SKI: variants seen among roughly 807,000 people sequenced by gnomAD.
The protein encoded by SKI is ski oncogene.
A neutral mutation model predicts 59.3 loss-of-function variants in SKI; 23 were observed. The observed-to-expected ratio is 0.39, with a 90% confidence interval of 0.28 to 0.55. The LOEUF is 0.55. SKI is among the 20% of genes least tolerant of loss of function. The pLI, the probability that SKI is intolerant of heterozygous loss-of-function variation, is 0.67. For synonymous variants in SKI, 673 were observed against 488.6 expected (o/e 1.38, Z -4.98); for missense variants, 1,017 against 1,038.9 (o/e 0.98, Z 0.29).
intron 1 of SKI, among the ~76,000 whole-genome samples, chr1:2,292,725 C>T (rs569671857): frequency 2.6e-5 from 4 of 152,316 alleles, no homozygotes; most frequent in Admixed American, 6.5e-5. Flanking sequence ...GTGTCCTCTG[C>T]CTGTGCCCCT....
At chr1:2,264,906 G>A (rs1476490218) in intron 1 of SKI, among the ~76,000 whole-genome samples, 3 of 151,786 alleles carry the variant, frequency 2.0e-5, no homozygotes, top group African/African-American at 7.3e-5. Context: ...CTGCCTCCGG[G>A]TTCAAGTGAT....
intron 1 of SKI, among the ~76,000 whole-genome samples, chr1:2,240,341 G>A (rs1056901267): frequency 6.6e-6 from 1 of 152,238 alleles, no homozygotes; most frequent in African/African-American, 2.4e-5. Flanking sequence ...GAACGTGGGA[G>A]GGGCAGGCGC....
At chr1:2,304,653 C>A in intron 5 of SKI, 68 bp downstream of exon 5, 1 of 1,485,206 alleles carries the variant, frequency 6.7e-7, no homozygotes, top group Non-Finnish European at 9.0e-7. Context: ...ACCAGGTGAA[C>A]GGGCACAGGT....
intron 6 of SKI, 133 bp from the exon 7 acceptor site, chr1:2,306,444 C>T: frequency 3.8e-6 from 4 of 1,046,032 alleles, no homozygotes; most frequent in Non-Finnish European, 4.1e-6. Flanking sequence ...TGTGTCCTAG[C>T]AGGTGGAGGA....
chr1:2,243,340 G>A (rs573091069), intron 1 of SKI, among the ~76,000 whole-genome samples: 3 of 152,344 alleles, frequency 2.0e-5, no homozygotes, highest in South Asian at 2.1e-4. Context: ...CTGCCCTCTC[G>A]TGCTCCTCGG....
chr1:2,299,963 G>T (rs1156877344), intron 1 of SKI, among the ~76,000 whole-genome samples: 2 of 152,126 alleles, frequency 1.3e-5, no homozygotes, highest in Non-Finnish European at 2.9e-5. Context: ...TCCACTGCTG[G>T]CTCACCTGTT....
At chr1:2,255,203 A>G (rs1479895943) in intron 1 of SKI, among the ~76,000 whole-genome samples, 3 of 152,082 alleles carry the variant, frequency 2.0e-5, no homozygotes, top group Admixed American at 6.5e-5. Context: ...TTCTTGCTGC[A>G]TAGTCTTCTG....
At chr1:2,252,671 A>C (rs896242711) in intron 1 of SKI, among the ~76,000 whole-genome samples, 1 of 152,018 alleles carries the variant, frequency 6.6e-6, no homozygotes, top group African/African-American at 2.4e-5. Flanking sequence ...CAGCGTCCTC[A>C]CAGCTGTCCC....
intron 1 of SKI, among the ~76,000 whole-genome samples, chr1:2,260,182 C>T (rs1433766752): frequency 1.3e-5 from 2 of 152,150 alleles, no homozygotes; most frequent in African/African-American, 4.8e-5. Flanking sequence ...GTGTGGTGGG[C>T]GGGCTTAGGC....
intron 1 of SKI, among the ~76,000 whole-genome samples, chr1:2,231,372 G>A (rs1037299101): frequency 1.3e-5 from 2 of 152,174 alleles, no homozygotes; most frequent in East Asian, 1.9e-4. Flanking sequence ...GTTTTTGTCC[G>A]ACTGTGGGTC....
rs918021325 is a variant in SKI at position 2,284,958 on chromosome 1, A to G, written c.970-18020A>G. On this transcript the variant is annotated intron_variant, in intron 1 of 6. Coordinates refer to ENST00000378536, the MANE Select transcript of SKI (RefSeq NM_003036.4). ...GGCCTTTCTGATGATCAGAATTCAT[A>G]AGTGGTTTTATTTTGTAAATTAACA... Among the ~76,000 whole-genome samples, 19 of 152,168 alleles carry G rather than the reference A, an allele frequency of 1.2e-4. 2 individuals carry two copies. The highest frequency in any genetic ancestry group is 9.8e-4 in the Admixed American group (15 of 15,282).
At chr1:2,261,398 C>T (rs1434447510) in intron 1 of SKI, among the ~76,000 whole-genome samples, 2 of 152,132 alleles carry the variant, frequency 1.3e-5, no homozygotes, top group African/African-American at 4.8e-5. Flanking sequence ...GTTTTCCGAC[C>T]AACGGAAAGC....
Position 2,229,477 on chromosome 1 carries a change from C to T in SKI, c.711C>T (p.Tyr237=), listed in dbSNP as rs552987024. ...AGGGGCTGCTGGTGCCCGAGCTCTA[C>T]AGCAGCCCGAGCGCCGCCTGCATCC... ...KCKGLLVPEL[Y]SSPSAACIQC... is the part of the protein sequence containing the mutation. The change falls in exon 1 of 7, where the codon TAC becomes TAT. Residue 237 remains tyrosine, a synonymous_variant. Transcript: ENST00000378536. The surrounding 1 kb of genome is among the most constrained non-coding windows in gnomAD (Gnocchi z 6.3). 2 of 1,611,744 alleles carry T rather than the reference C, an allele frequency of 1.2e-6. No homozygotes were observed. The highest frequency in any genetic ancestry group is 2.2e-5 in the South Asian group (2 of 91,066).
chr1:2,245,866 G>A lies in SKI; in HGVS notation c.969+16131G>A, dbSNP rs554382564. ...GGCCAGAGTGCGGTGGCACAGTCTC[G>A]GCTCACTGCAACCTCCGCCTCCCAG... On this transcript the variant is annotated intron_variant, in intron 1 of 6. Coordinates refer to ENST00000378536, the MANE Select transcript of SKI (RefSeq NM_003036.4). Among the ~76,000 whole-genome samples, 17 of 131,506 alleles carry A rather than the reference G, an allele frequency of 1.3e-4. No homozygotes were observed. In the Admixed American group the frequency reaches 1.5e-3, roughly 12 times the overall value. The allele number at this position is 131,506 out of a possible 152,430, so 86.3% of individuals were successfully genotyped here.
At position 2,269,869 on chromosome 1, in the gene SKI, G is replaced by A. The variant is rs1268004700; in HGVS notation, c.970-33109G>A. Among the ~76,000 whole-genome samples the A allele has an allele frequency of 2.2e-5, 3 of 137,718 alleles. No homozygotes were observed. Among genetic ancestry groups the A allele is most frequent in the Non-Finnish European group, 3.2e-5 (2 of 63,126 alleles). 90.3% of individuals were successfully genotyped at this position (137,718 alleles called of 152,430 possible). Reference sequence around the variant, plus strand: ...GGGTCTGGTGGTGCCTGTGGCTGGCGTGGGTCTGGCGGGTCTCGTGGTGCC... The same window carrying A: ...GGGTCTGGTGGTGCCTGTGGCTGGCATGGGTCTGGCGGGTCTCGTGGTGCC... On this transcript the variant is annotated intron_variant, in intron 1 of 6. Coordinates refer to ENST00000378536, the MANE Select transcript of SKI (RefSeq NM_003036.4). The surrounding 1 kb of genome is among the most constrained non-coding windows in gnomAD (Gnocchi z 4.7).
chr1:2,302,984 T>G lies in SKI; in HGVS notation c.976T>G (p.Ser326Ala). Residue 326 changes from serine to alanine, a missense_variant, in exon 2 of 7, where the codon TCT becomes GCT. Ser to Ala is a moderately conservative substitution (Grantham distance 99, BLOSUM62 1). Transcript: ENST00000378536. ...AACCTTTCATTGATCGCAGGTCTCC[T>G]CTGAGCCTCCGGCCTCCATAAGACC... ...KYKRRVPRVS[S>A]EPPASIRPKT... 6.2e-7 allele frequency: 1 copy of G among 1,613,522 alleles called. No individual in the cohort carries two copies. Among genetic ancestry groups the G allele is most frequent in the Non-Finnish European group, 8.5e-7 (1 of 1,180,026 alleles).
intron 1 of SKI, among the ~76,000 whole-genome samples, chr1:2,271,453 C>G (rs1315417448): frequency 2.0e-5 from 3 of 152,138 alleles, no homozygotes; most frequent in African/African-American, 7.2e-5. Flanking sequence ...TTAAAGAAGA[C>G]TCATTCAATG....
At chr1:2,302,942 A>G in intron 1 of SKI, 36 bp from the exon 2 acceptor site, 2 of 1,613,084 alleles carry the variant, frequency 1.2e-6, no homozygotes, top group Non-Finnish European at 1.7e-6. Flanking sequence ...TGCCCTGGGA[A>G]CCACAGGTGC....
intron 1 of SKI, among the ~76,000 whole-genome samples, chr1:2,251,892 G>A (rs181122328): frequency 8.2e-4 from 125 of 152,286 alleles, no homozygotes; most frequent in South Asian, 1.7e-3. Flanking sequence ...CCTTGGCTCC[G>A]GGCACAGCGT....
Sources: gnomAD v4.1 joint callset for allele counts (sites outside exome capture counted in the v4.1 genomes callset) on GRCh38, gnomAD v4.1.1 for gene constraint, Gnocchi (gnomAD v3.1) non-coding constraint, MANE v1.5 for transcripts, NCBI Gene and HGNC (gene_info 2026-07-23, HGNC 2026-07-21) for gene names.